The following ANKS1B variants were observed in gnomAD, a reference collection of about 807,000 sequenced individuals.
The protein encoded by ANKS1B is ankyrin repeat and sterile alpha motif domain-containing protein 1B.
ANKS1B carries 36 observed loss-of-function variants against 148.3 expected under a neutral mutation model. That is an observed-to-expected ratio of 0.24 (90% confidence interval 0.19 to 0.32). The LOEUF is 0.32. Ranked by LOEUF, ANKS1B falls within the 10% of genes least tolerant of loss-of-function variation. ANKS1B has a pLI of 1.00. For synonymous variants in ANKS1B, 542 were observed against 560.8 expected (o/e 0.97, Z 0.47); for missense variants, 1,157 against 1,542.6 (o/e 0.75, Z 4.19).
intron 1 of ANKS1B, among the ~76,000 whole-genome samples, chr12:99,886,566 C>G (rs1019410325): frequency 1.3e-5 from 2 of 151,940 alleles, no homozygotes; most frequent in Non-Finnish European, 2.9e-5. Flanking sequence ...TGTGTATATA[C>G]TATGCATACC....
chr12:99,327,271 AATTT>A (rs1216207954), intron 12 of ANKS1B, among the ~76,000 whole-genome samples: 2 of 116,508 alleles, frequency 1.7e-5, no homozygotes, highest in East Asian at 2.1e-4. Flanking sequence ...AAATAATTAT[AATTT>A]ATTATAATTA....
intron 9 of ANKS1B, among the ~76,000 whole-genome samples, chr12:99,555,165 T>C (rs576560144): frequency 6.6e-6 from 1 of 152,250 alleles, no homozygotes; most frequent in South Asian, 2.1e-4. Context: ...TTCCTTTGGA[T>C]ATATACCCAA....
Position 98,846,774 on chromosome 12 carries a change from G to A in ANKS1B, c.2779-14638C>T, listed in dbSNP as rs141563875. On this transcript the variant is annotated intron_variant, in intron 17 of 26. Coordinates refer to ENST00000683438, the MANE Select transcript of ANKS1B (RefSeq NM_001352186.2). ...ACCTCTACTCATCTTCTACTCTTTC[G>A]AGTTAAATACTACTTTTGAACAAAT... 6.8e-4 allele frequency among the ~76,000 whole-genome samples: 103 copies of A among 152,074 alleles called. 1 individual carries two copies. Among genetic ancestry groups the A allele is most frequent in the Non-Finnish European group, 9.6e-4 (65 of 68,022 alleles).
At chr12:99,922,541 T>G (rs1477428141) in intron 1 of ANKS1B, among the ~76,000 whole-genome samples, 7 of 152,134 alleles carry the variant, frequency 4.6e-5, no homozygotes, top group Admixed American at 4.6e-4. Context: ...CCACTAGCAT[T>G]TACTAAGTGT....
intron 15 of ANKS1B, among the ~76,000 whole-genome samples, chr12:99,124,019 C>T (rs1396803290): frequency 6.6e-6 from 1 of 152,110 alleles, no homozygotes; most frequent in Non-Finnish European, 1.5e-5. Flanking sequence ...GATGATCTGT[C>T]CATGCAGGGT....
At chr12:99,793,685 C>T (rs192191197) in intron 4 of ANKS1B, among the ~76,000 whole-genome samples, 13 of 152,048 alleles carry the variant, frequency 8.5e-5, no homozygotes, top group Admixed American at 8.5e-4. Context: ...ATGGATTAAA[C>T]ATTTGAATCT....
intron 16 of ANKS1B, among the ~76,000 whole-genome samples, chr12:99,068,538 T>G (rs938095159): frequency 3.3e-5 from 5 of 152,176 alleles, no homozygotes; most frequent in Admixed American, 2.6e-4. Flanking sequence ...TAAGTGCCAG[T>G]TTTTATAAGT....
intron 17 of ANKS1B, among the ~76,000 whole-genome samples, chr12:98,959,098 A>G (rs2099867051): frequency 6.6e-6 from 1 of 152,198 alleles, no homozygotes; most frequent in African/African-American, 2.4e-5. Flanking sequence ...TTGGATTCCT[A>G]TTGATCTGAT....
chr12:99,738,221 C>G (rs2059788434), intron 8 of ANKS1B, among the ~76,000 whole-genome samples: 1 of 152,128 alleles, frequency 6.6e-6, no homozygotes, highest in Non-Finnish European at 1.5e-5. Context: ...CTAAGATATT[C>G]ACTACTTTTT....
intron 1 of ANKS1B, among the ~76,000 whole-genome samples, chr12:99,868,371 C>A (rs2091028865): frequency 6.6e-6 from 1 of 152,080 alleles, no homozygotes. Context: ...AAACCTATAG[C>A]AGTCATACTT....
intron 1 of ANKS1B, among the ~76,000 whole-genome samples, chr12:99,942,234 G>A (rs529123734): frequency 1.2e-4 from 19 of 152,184 alleles, no homozygotes; most frequent in South Asian, 4.1e-4. Flanking sequence ...GGATCATCAG[G>A]ACAACAATAA....
At chr12:99,647,078 T>C (rs1009845034) in intron 9 of ANKS1B, among the ~76,000 whole-genome samples, 1 of 151,718 alleles carries the variant, frequency 6.6e-6, no homozygotes, top group Admixed American at 6.6e-5. Flanking sequence ...AAAAAGAAAA[T>C]GAAAATTATA....
chr12:99,838,732 T>G (rs2153695429), intron 1 of ANKS1B, among the ~76,000 whole-genome samples: 1 of 152,226 alleles, frequency 6.6e-6, no homozygotes, highest in South Asian at 2.1e-4. Flanking sequence ...TCTCTAGTAT[T>G]TCTTCCTATT....
At chr12:99,155,574 C>G (rs1238981386) in intron 14 of ANKS1B, among the ~76,000 whole-genome samples, 1 of 151,880 alleles carries the variant, frequency 6.6e-6, no homozygotes, top group Admixed American at 6.6e-5. Context: ...AGCCCTAACC[C>G]AAAATAATTC....
At chr12:99,009,988 G>A (rs754906668) in intron 17 of ANKS1B, among the ~76,000 whole-genome samples, 64 of 152,204 alleles carry the variant, frequency 4.2e-4, no homozygotes, top group Non-Finnish European at 7.9e-4. Flanking sequence ...AGAAGATGTT[G>A]GAGGTAATAG....
intron 17 of ANKS1B, among the ~76,000 whole-genome samples, chr12:98,877,938 G>A (rs574940814): frequency 1.3e-5 from 2 of 152,238 alleles, no homozygotes; most frequent in Middle Eastern, 6.8e-3. Flanking sequence ...CACGAAGGAT[G>A]TGCAAGACTC....
rs1460854856 is a variant in ANKS1B, at chr12:99,056,500, A to G, written c.2626-3191T>C. 3.9e-5 allele frequency among the ~76,000 whole-genome samples: 6 copies of G among 152,276 alleles called. No homozygotes were observed. The East Asian group carries it at 9.7e-4, about 25-fold the overall frequency. ...GTCTCCCACCTTTGATCCAGCTTGT[A>G]TCTTGCTACTACATTAGTCTTCCTA... On this transcript the variant is annotated intron_variant, in intron 16 of 26. Transcript: ENST00000683438.
At chr12:98,916,036 A>G (rs1221751831) in intron 17 of ANKS1B, among the ~76,000 whole-genome samples, 1 of 152,154 alleles carries the variant, frequency 6.6e-6, no homozygotes. Flanking sequence ...TCCCACCACC[A>G]TCACATAACC....
At chr12:98,821,191 C>T (rs950703325) in intron 19 of ANKS1B, among the ~76,000 whole-genome samples, 1 of 152,198 alleles carries the variant, frequency 6.6e-6, no homozygotes, top group Admixed American at 6.5e-5. Flanking sequence ...ACCATGATCT[C>T]ATTTCTTCAA....
Sources: allele counts gnomAD v4.1 joint callset (sites outside exome capture counted in the v4.1 genomes callset), GRCh38; gene constraint gnomAD v4.1.1; transcripts MANE v1.5; gene names NCBI Gene and HGNC (gene_info 2026-07-23, HGNC 2026-07-21).